GLRA3: variants seen among roughly 807,000 people sequenced by gnomAD.
GLRA3 encodes the protein glycine receptor alpha 3, also known as glycine receptor subunit alpha-3.
Under a neutral mutation model 60.4 loss-of-function variants are expected in GLRA3, and 44 were observed. That is an observed-to-expected ratio of 0.73 (90% CI 0.57 to 0.94). The LOEUF (loss-of-function observed/expected upper bound fraction) is 0.94, where lower values mean the gene tolerates loss of function less well. Among genes scored for constraint, GLRA3 ranks in the 40% least tolerant of loss-of-function variants. GLRA3 has a pLI of 0.00. For synonymous variants in GLRA3, 223 were observed against 192.9 expected (o/e 1.16, Z -1.29); for missense variants, 508 against 564.6 (o/e 0.90, Z 1.02).
chr4:174,754,434 G>T (rs1472404124), intron 3 of GLRA3, among the ~76,000 whole-genome samples: 6 of 152,066 alleles, frequency 3.9e-5, no homozygotes, highest in Admixed American at 6.5e-5. Context: ...AAAAAGAGAA[G>T]GAGGATAAGA....
chr4:174,816,984 C>A (rs928200768), intron 1 of GLRA3, among the ~76,000 whole-genome samples: 4 of 152,196 alleles, frequency 2.6e-5, no homozygotes, highest in African/African-American at 9.6e-5. Context: ...AGTGATATTT[C>A]TGAGACGATC....
At chr4:174,776,853 C>T (rs189572408) in intron 2 of GLRA3, among the ~76,000 whole-genome samples, 150 of 152,212 alleles carry the variant, frequency 9.9e-4, no homozygotes, top group Admixed American at 1.6e-3. Flanking sequence ...ACTTCGCATT[C>T]AAGGAAAATG....
intron 1 of GLRA3, 47 bp downstream of exon 1, chr4:174,828,694 G>T: frequency 8.4e-7 from 1 of 1,195,002 alleles, no homozygotes; most frequent in East Asian, 2.3e-5. Context: ...GCAACGTAAT[G>T]CACAGGCTTA....
intron 4 of GLRA3, among the ~76,000 whole-genome samples, chr4:174,722,031 A>T (rs1396224538): frequency 6.6e-6 from 1 of 152,130 alleles, no homozygotes; most frequent in Non-Finnish European, 1.5e-5. Context: ...TCTATAAGGT[A>T]TAATCTATCT....
intron 1 of GLRA3, among the ~76,000 whole-genome samples, chr4:174,792,712 A>T (rs2111316606): frequency 6.6e-6 from 1 of 152,352 alleles, no homozygotes; most frequent in South Asian, 2.1e-4. Flanking sequence ...AAATGTTTTA[A>T]ACAAACTTCT....
intron 1 of GLRA3, among the ~76,000 whole-genome samples, chr4:174,827,487 T>C (rs1323644910): frequency 6.6e-6 from 1 of 151,724 alleles, no homozygotes; most frequent in Non-Finnish European, 1.5e-5. Context: ...TGTACTCCTT[T>C]ACATAATAAT....
chr4:174,798,728 T>G (rs749103135), intron 1 of GLRA3, among the ~76,000 whole-genome samples: 2 of 152,098 alleles, frequency 1.3e-5, no homozygotes, highest in Non-Finnish European at 2.9e-5. Context: ...ACGGAGACCA[T>G]CCTGGCTAAC....
chr4:174,686,166 C>A (rs1279823866), intron 5 of GLRA3, among the ~76,000 whole-genome samples: 1 of 152,094 alleles, frequency 6.6e-6, no homozygotes, highest in Non-Finnish European at 1.5e-5. Context: ...TGGTTGGGGG[C>A]AATTCCTTTA....
intron 1 of GLRA3, among the ~76,000 whole-genome samples, chr4:174,808,496 A>G (rs1740137300): frequency 6.6e-6 from 1 of 152,150 alleles, no homozygotes; most frequent in African/African-American, 2.4e-5. Flanking sequence ...ATGATAATAA[A>G]TGTTACTGGT....
At chr4:174,658,687 C>G (rs980007125) in intron 8 of GLRA3, among the ~76,000 whole-genome samples, 6 of 152,100 alleles carry the variant, frequency 3.9e-5, no homozygotes, top group Non-Finnish European at 8.8e-5. Flanking sequence ...GACAAAGGAA[C>G]ATGAATAATT....
chr4:174,753,706 C>T (rs973512542), intron 3 of GLRA3, among the ~76,000 whole-genome samples: 1 of 152,096 alleles, frequency 6.6e-6, no homozygotes, highest in Non-Finnish European at 1.5e-5. Context: ...TAGAGAGATC[C>T]TTGACCAGGT....
Position 174,641,056 on chromosome 4 carries a change from A to G in GLRA3, c.*2730T>C, listed in dbSNP as rs558798289. ...AGGTTGGGCACATATATGCTAATGT[A>G]TAAGATAGCCTATAAATTCATATGC... On this transcript the variant is annotated 3_prime_UTR_variant, in exon 10 of 10. Coordinates refer to ENST00000274093, the MANE Select transcript of GLRA3 (RefSeq NM_006529.4). The G allele has an allele frequency of 6.6e-6, 1 of 152,126 alleles. No individual in the cohort carries two copies. The highest frequency in any genetic ancestry group is 2.1e-4 in the South Asian group (1 of 4,836). The allele number at this position is 152,126 out of a possible 1,614,324, so 9.4% of individuals were successfully genotyped here. A position where few individuals can be genotyped will look rare whatever the true frequency, so the allele number is the denominator to read the frequency against.
intron 5 of GLRA3, among the ~76,000 whole-genome samples, chr4:174,712,993 TGA>T (rs199633973): frequency 0.15 from 22,579 of 151,048 alleles, 1,736 homozygotes; most frequent in East Asian, 0.19. Context: ...ATATTACATG[TGA>T]GTGTGTGTAT....
Position 174,656,790 on chromosome 4 carries a change from G to A in GLRA3, c.1072-3C>T. On this transcript the variant is annotated splice_polypyrimidine_tract_variant and splice_region_variant and intron_variant, in intron 8 of 9. Transcript: ENST00000274093. The stretch of plus-strand genomic sequence containing the variant: ...TTCTCCAGTGCAAAAGCTTCTGTCT[G>A]TGGGAAGGTAAAGTGGACCAAGAGG... 6.4e-7 allele frequency: 1 copy of A among 1,569,508 alleles called. No individual in the cohort carries two copies. The highest frequency in any genetic ancestry group is 8.8e-7 in the Non-Finnish European group (1 of 1,139,800).
At chr4:174,658,955 C>T in intron 8 of GLRA3, 99 bp downstream of exon 8, 1 of 962,444 alleles carries the variant, frequency 1.0e-6, no homozygotes, top group Non-Finnish European at 1.6e-6. Context: ...ATTTCATCCC[C>T]AGTCCCAATT....
In GLRA3 at chr4:174,689,785, A is replaced by G. The variant is rs1211202674; in HGVS notation, c.575-6846T>C. Among the ~76,000 whole-genome samples the G allele has an allele frequency of 2.2e-5, 3 of 137,914 alleles. 1 individual carries two copies. The highest frequency in any genetic ancestry group is 5.5e-5 in the African/African-American group (2 of 36,104). The allele number at this position is 137,914 out of a possible 152,430, so 90.5% of individuals were successfully genotyped here. On this transcript the variant is annotated intron_variant, in intron 5 of 9. Coordinates refer to ENST00000274093, the MANE Select transcript of GLRA3 (RefSeq NM_006529.4). ...AAAAAAAAAAAAAAAAAAAAAAAAA[A>G]GCAAGACCTAATGGTATGCTGTCTT...
chr4:174,733,139 C>T (rs932722861), intron 3 of GLRA3, among the ~76,000 whole-genome samples: 5 of 152,048 alleles, frequency 3.3e-5, no homozygotes, highest in African/African-American at 1.2e-4. Context: ...GTGAAACTGA[C>T]TGGGTCTCTG....
chr4:174,783,322 G>C (rs1225425991), intron 2 of GLRA3, among the ~76,000 whole-genome samples: 2 of 138,354 alleles, frequency 1.4e-5, no homozygotes, highest in Admixed American at 1.4e-4. Flanking sequence ...ATCAATTCAG[G>C]ATGGATTAAA....
Position 174,662,890 on chromosome 4 carries a change from T to C in GLRA3, c.928-3693A>G, listed in dbSNP as rs148393263. On this transcript the variant is annotated intron_variant, in intron 7 of 9. Transcript: ENST00000274093. ...GAACTCTTTGAGGGCAGATGACATC[T>C]CTGTTTTGGTCACCATCACATCAGC... 1.2e-3 allele frequency among the ~76,000 whole-genome samples: 183 copies of C among 151,134 alleles called. 1 individual carries two copies. Among genetic ancestry groups the C allele is most frequent in the Middle Eastern group, 0.01 (3 of 292 alleles).
Sources: allele counts gnomAD v4.1 joint callset (sites outside exome capture counted in the v4.1 genomes callset), GRCh38; gene constraint gnomAD v4.1.1; transcripts MANE v1.5; gene names NCBI Gene and HGNC (gene_info 2026-07-23, HGNC 2026-07-21).